The following ACBD6 variants were observed in gnomAD, a reference collection of about 807,000 sequenced individuals.
The protein encoded by ACBD6 is acyl-CoA-binding domain-containing protein 6.
ACBD6 carries 28 observed loss-of-function variants against 37.2 expected under a neutral mutation model. The ratio of observed to expected loss-of-function variants is 0.75; its 90% CI spans 0.56 to 1.03. The LOEUF (loss-of-function observed/expected upper bound fraction) is 1.03. Ranked by LOEUF, ACBD6 falls within the 50% of genes least tolerant of loss-of-function variation. The pLI, the probability that ACBD6 is intolerant of heterozygous loss-of-function variation, is 0.00. For missense variants in ACBD6, 340 were observed against 337.4 expected (o/e 1.01, Z -0.06); for synonymous variants, 113 against 126.8 (o/e 0.89, Z 0.73).
At chr1:180,341,911 T>C (rs1313571454) in intron 6 of ACBD6, among the ~76,000 whole-genome samples, 1 of 152,054 alleles carries the variant, frequency 6.6e-6, no homozygotes, top group African/African-American at 2.4e-5. Flanking sequence ...GAAAAACTCA[T>C]CAAACCGACT....
At chr1:180,326,022 C>G (rs1230461755) in intron 6 of ACBD6, among the ~76,000 whole-genome samples, 1 of 152,102 alleles carries the variant, frequency 6.6e-6, no homozygotes, top group Non-Finnish European at 1.5e-5. Context: ...CAATCACTAC[C>G]TGGCTACCAC....
At chr1:180,448,687 A>AT (rs1649576616) in intron 3 of ACBD6, among the ~76,000 whole-genome samples, 1 of 152,230 alleles carries the variant, frequency 6.6e-6, no homozygotes, top group Non-Finnish European at 1.5e-5. Context: ...ATTGAAGTGC[A>AT]TAAAAACCCC....
intron 4 of ACBD6, among the ~76,000 whole-genome samples, chr1:180,421,126 G>C (rs1307324719): frequency 6.6e-6 from 1 of 152,000 alleles, no homozygotes; most frequent in Non-Finnish European, 1.5e-5. Context: ...TAGGTATTAA[G>C]CCCAGCATCC....
intron 6 of ACBD6, among the ~76,000 whole-genome samples, chr1:180,336,689 A>G (rs1204298931): frequency 1.3e-5 from 2 of 152,090 alleles, no homozygotes; most frequent in African/African-American, 4.8e-5. Flanking sequence ...AGATAGAGAC[A>G]CAAAAAACCC....
chr1:180,282,629 A>G (rs1329537519), intron 8 of ACBD6, among the ~76,000 whole-genome samples: 1 of 152,218 alleles, frequency 6.6e-6, no homozygotes, highest in African/African-American at 2.4e-5. Flanking sequence ...CTGCCTGCAG[A>G]TAGTGGCTTA....
At chr1:180,355,125 A>T (rs1228230949) in intron 6 of ACBD6, among the ~76,000 whole-genome samples, 1 of 152,178 alleles carries the variant, frequency 6.6e-6, no homozygotes, top group East Asian at 1.9e-4. Context: ...TTTTTACATG[A>T]GTTCTTTTAT....
chr1:180,349,688 G>C (rs1652332150), intron 6 of ACBD6, among the ~76,000 whole-genome samples: 1 of 152,038 alleles, frequency 6.6e-6, no homozygotes, highest in South Asian at 2.1e-4. Flanking sequence ...GGCTTTGTTA[G>C]AGTCGTATGA....
intron 6 of ACBD6, among the ~76,000 whole-genome samples, chr1:180,359,037 C>T (rs1453876128): frequency 1.3e-5 from 2 of 152,144 alleles, no homozygotes; most frequent in Admixed American, 6.5e-5. Flanking sequence ...AAAGGTGGTG[C>T]TGGAAGGGAA....
chr1:180,420,312 A>G (rs535118098), intron 4 of ACBD6, among the ~76,000 whole-genome samples: 1 of 152,342 alleles, frequency 6.6e-6, no homozygotes, highest in South Asian at 2.1e-4. Context: ...AATCCTGTGA[A>G]GTCACATATA....
intron 3 of ACBD6, among the ~76,000 whole-genome samples, chr1:180,443,094 T>G (rs1284057547): frequency 1.3e-5 from 2 of 152,228 alleles, no homozygotes; most frequent in African/African-American, 4.8e-5. Flanking sequence ...TTTGTTGTGT[T>G]CCTTTAAATT....
chr1:180,380,921 C>A (rs969109806), intron 6 of ACBD6, among the ~76,000 whole-genome samples: 1 of 152,136 alleles, frequency 6.6e-6, no homozygotes, highest in African/African-American at 2.4e-5. Context: ...TAAAGACACA[C>A]AGTGGCTGAA....
intron 3 of ACBD6, among the ~76,000 whole-genome samples, chr1:180,442,574 T>C (rs1649322945): frequency 6.6e-6 from 1 of 152,218 alleles, no homozygotes; most frequent in Admixed American, 6.5e-5. Flanking sequence ...TTTTCTCCTT[T>C]CTGGGTCTCC....
intron 4 of ACBD6, among the ~76,000 whole-genome samples, chr1:180,417,314 G>C (rs538653197): frequency 6.6e-6 from 1 of 151,860 alleles, no homozygotes; most frequent in Non-Finnish European, 1.5e-5. Context: ...TCTTCTCCTC[G>C]TTTGTAAAGG....
chr1:180,404,572 C>T (rs563138926), intron 5 of ACBD6, among the ~76,000 whole-genome samples: 21 of 152,198 alleles, frequency 1.4e-4, no homozygotes, highest in Admixed American at 1.2e-3. Context: ...ATTCTCTTGC[C>T]TCAGCCTCCC....
chr1:180,353,785 C>CAAAAAA (rs56286672), intron 6 of ACBD6, among the ~76,000 whole-genome samples: 232 of 18,928 alleles, frequency 0.012, 9 homozygotes, highest in African/African-American at 0.029. Flanking sequence ...TTAACAACCA[C>CAAAAAA]AAAAAAAAAA....
intron 6 of ACBD6, among the ~76,000 whole-genome samples, chr1:180,317,776 A>G (rs1056474781): frequency 6.6e-6 from 1 of 152,214 alleles, no homozygotes; most frequent in Admixed American, 6.5e-5. Context: ...CTTGTAAACA[A>G]GAGTCTTCAC....
intron 3 of ACBD6, among the ~76,000 whole-genome samples, chr1:180,483,570 T>C (rs1314035752): frequency 6.6e-6 from 1 of 152,094 alleles, no homozygotes. Context: ...GTGAAATAAA[T>C]GACTGACTAG....
At chr1:180,450,585 C>T (rs151284950) in intron 3 of ACBD6, among the ~76,000 whole-genome samples, 2,990 of 152,136 alleles carry the variant, frequency 0.02, 100 homozygotes, top group African/African-American at 0.067. Flanking sequence ...AGTGAAACTC[C>T]GTCTCTACTA....
chr1:180,413,299 T>C, intron 5 of ACBD6, 67 bp downstream of exon 5: 1 of 1,216,256 alleles, frequency 8.2e-7, no homozygotes, highest in Non-Finnish European at 1.2e-6. Context: ...GCCTACCATT[T>C]AGGAAAAGGC....
Sources: gnomAD v4.1 joint callset for allele counts (sites outside exome capture counted in the v4.1 genomes callset) on GRCh38, gnomAD v4.1.1 for gene constraint, MANE v1.5 for transcripts, NCBI Gene and HGNC (gene_info 2026-07-23, HGNC 2026-07-21) for gene names.